The following PDZRN3 variants were observed in gnomAD, a reference collection of about 807,000 sequenced individuals.
PDZRN3 encodes the protein E3 ubiquitin-protein ligase PDZRN3.
PDZRN3 carries 38 observed loss-of-function variants against 85.7 expected under a neutral mutation model. That is an observed-to-expected ratio of 0.44 (90% CI 0.34 to 0.58). The LOEUF is 0.58. Among genes scored for constraint, PDZRN3 ranks in the 20% least tolerant of loss-of-function variants. The probability of loss-of-function intolerance (pLI) is 0.01; values close to 1 mark genes in which losing one functional copy is unlikely to be tolerated. For synonymous variants in PDZRN3, 759 were observed against 638.0 expected (o/e 1.19, Z -2.86); for missense variants, 1,629 against 1,506.4 (o/e 1.08, Z -1.35).
intron 3 of PDZRN3, among the ~76,000 whole-genome samples, chr3:73,550,589 C>T (rs1701531044): frequency 6.6e-6 from 1 of 152,226 alleles, no homozygotes; most frequent in Non-Finnish European, 1.5e-5. Flanking sequence ...CCAAATCTCA[C>T]AGCAGCAGAC....
rs770433258 is a variant in PDZRN3, at chr3:73,384,201, G to A, written c.2365C>T (p.Pro789Ser). The A allele has an allele frequency of 1.2e-6, 2 of 1,613,958 alleles. No homozygotes were observed. The highest frequency in any genetic ancestry group is 4.5e-5 in the East Asian group (2 of 44,844). Residue 789 changes from proline (P) to serine (S), a missense_variant, in exon 10 of 10, where the codon CCG becomes TCG. Transcript: ENST00000263666. ...LRRAAEGISC[P>S]SSEGAVGTTE... is the part of the protein sequence containing the mutation. ...GTCCCCACAGCCCCTTCGCTGCTCG[G>A]GCAGCTGATGCCCTCCGCCGCTCTC... is the stretch of plus-strand genomic sequence containing the variant.
At position 73,475,116 on chromosome 3, in the gene PDZRN3, G is replaced by T. The variant is rs191080936; in HGVS notation, c.919-70721C>A. Reference sequence around the variant, plus strand: ...AAGGGACCACCAGCTCTACACAGAAGAAAGGGAATAAAGACAGGCCAGTCT... The same window carrying T: ...AAGGGACCACCAGCTCTACACAGAATAAAGGGAATAAAGACAGGCCAGTCT... On this transcript the variant is annotated intron_variant, in intron 3 of 9. Coordinates refer to ENST00000263666, the MANE Select transcript of PDZRN3 (RefSeq NM_015009.3). Among the ~76,000 whole-genome samples the T allele has an allele frequency of 3.1e-4, 47 of 152,252 alleles. 1 individual carries two copies. Among genetic ancestry groups the T allele is most frequent in the Middle Eastern group, 6.8e-3 (2 of 294 alleles).
rs1188840666 is a variant in PDZRN3 at position 73,395,185 on chromosome 3, T to C, written c.1255-4069A>G. Among the ~76,000 whole-genome samples, 6 of 152,232 alleles carry C rather than the reference T, an allele frequency of 3.9e-5. No homozygotes were observed. In the South Asian group the frequency reaches 8.3e-4, roughly 21 times the overall value. ...CAAAATACAGTATTTTGGGGCTCAG[T>C]GGAAAGTAAAATTCCTCAAACTTAC... is the stretch of plus-strand genomic sequence containing the variant. On this transcript the variant is annotated intron_variant, in intron 5 of 9. Transcript: ENST00000263666.
intron 3 of PDZRN3, among the ~76,000 whole-genome samples, chr3:73,535,441 A>G (rs1704759424): frequency 1.3e-5 from 2 of 152,204 alleles, no homozygotes; most frequent in Non-Finnish European, 2.9e-5. Flanking sequence ...ACTTAACTGG[A>G]GCATCAGTGA....
At chr3:73,473,535 C>T (rs768300844) in intron 3 of PDZRN3, among the ~76,000 whole-genome samples, 1 of 151,786 alleles carries the variant, frequency 6.6e-6, no homozygotes, top group African/African-American at 2.4e-5. Flanking sequence ...GGGTAGGTGA[C>T]GATCACAATG....
chr3:73,614,065 T>A (rs1343234741), intron 1 of PDZRN3, among the ~76,000 whole-genome samples: 1 of 152,206 alleles, frequency 6.6e-6, no homozygotes, highest in Non-Finnish European at 1.5e-5. Context: ...CAGTTGATTT[T>A]GTTTAAAAGA....
intron 3 of PDZRN3, among the ~76,000 whole-genome samples, chr3:73,437,428 A>G (rs1284870544): frequency 1.3e-5 from 2 of 152,188 alleles, no homozygotes; most frequent in African/African-American, 4.8e-5. Flanking sequence ...ACATCTTGCT[A>G]TTTTTACAAA....
intron 3 of PDZRN3, among the ~76,000 whole-genome samples, chr3:73,495,716 G>A (rs1703854335): frequency 1.3e-5 from 2 of 152,130 alleles, no homozygotes; most frequent in Non-Finnish European, 2.9e-5. Context: ...TTATGCTCAC[G>A]TTTCCAGTGT....
chr3:73,469,702 TG>T lies in PDZRN3; in HGVS notation c.919-65308del, dbSNP rs201495963. Among the ~76,000 whole-genome samples, 318 of 152,338 alleles carry T rather than the reference TG, an allele frequency of 2.1e-3. 1 individual carries two copies. The highest frequency in any genetic ancestry group is 0.015 in the East Asian group (78 of 5,190). On this transcript the variant is annotated intron_variant, in intron 3 of 9. Coordinates refer to ENST00000263666, the MANE Select transcript of PDZRN3 (RefSeq NM_015009.3). Reference sequence around the variant, plus strand: ...TCAAACGCTTATTGACTTAAGCTGATGGGGTTTTTTTTTCATAACATTAGAA... The same window carrying T: ...TCAAACGCTTATTGACTTAAGCTGATGGGTTTTTTTTTCATAACATTAGAA...
At chr3:73,470,808 C>CGGACAT (rs1703322646) in intron 3 of PDZRN3, among the ~76,000 whole-genome samples, 1 of 152,164 alleles carries the variant, frequency 6.6e-6, no homozygotes, top group East Asian at 1.9e-4. Flanking sequence ...TAGTCCCAAA[C>CGGACAT]GGACATTTTT....
At chr3:73,408,590 G>GT (rs200063872) in intron 3 of PDZRN3, among the ~76,000 whole-genome samples, 1 of 150,010 alleles carries the variant, frequency 6.7e-6, no homozygotes. Context: ...CTTGGAGGAG[G>GT]GGGGGGGGTG....
intron 5 of PDZRN3, among the ~76,000 whole-genome samples, 186 bp downstream of exon 5, chr3:73,400,736 A>C (rs1342983981): frequency 6.6e-6 from 1 of 152,238 alleles, no homozygotes; most frequent in African/African-American, 2.4e-5. Flanking sequence ...CTTGATTATT[A>C]AGCTCTGTTT....
intron 3 of PDZRN3, among the ~76,000 whole-genome samples, chr3:73,426,854 C>G (rs116123799): frequency 2.6e-3 from 399 of 152,170 alleles, no homozygotes; most frequent in African/African-American, 8.9e-3. Context: ...GGGCCAGGAC[C>G]CTACTCTGAG....
At chr3:73,439,229 A>T (rs952929422) in intron 3 of PDZRN3, among the ~76,000 whole-genome samples, 1 of 152,224 alleles carries the variant, frequency 6.6e-6, no homozygotes, top group Non-Finnish European at 1.5e-5. Flanking sequence ...TCAGCATCAG[A>T]TACATACTGA....
At position 73,593,707 on chromosome 3, in the gene PDZRN3, TATACACACACACAC is replaced by T. The variant is rs1173688849; in HGVS notation, c.918+8633_918+8646del. Among the ~76,000 whole-genome samples, 64 of 100,900 alleles carry T rather than the reference TATACACACACACAC, an allele frequency of 6.3e-4. 1 individual carries two copies. Among genetic ancestry groups the T allele is most frequent in the Non-Finnish European group, 1.6e-4 (8 of 49,542 alleles). The allele number at this position is 100,900 out of a possible 152,430, so 66.2% of individuals were successfully genotyped here. ...AATTCTTACTGTTTACCGAAATAAA[TATACACACACACAC>T]ACACACACACACACACACACACACA... On this transcript the variant is annotated intron_variant, in intron 3 of 9. Coordinates refer to ENST00000263666, the MANE Select transcript of PDZRN3 (RefSeq NM_015009.3).
rs997014062 is a variant in PDZRN3 at position 73,404,214 on chromosome 3, A to G, written c.1100T>C (p.Ile367Thr). 3 of 1,613,968 alleles carry G rather than the reference A, an allele frequency of 1.9e-6. No homozygotes were observed. Among genetic ancestry groups the G allele is most frequent in the African/African-American group, 1.3e-5 (1 of 74,884 alleles). Residue 367 changes from isoleucine (I) to threonine (T), a missense_variant, in exon 4 of 10, where the codon ATC (isoleucine) becomes ACC (threonine). Transcript: ENST00000263666. ...AGAGGACATCTTAGTGAGGGCCATG[A>G]TATGTTCAAAGGTGATGTCGGTTTG... ...GTQTDITFEHIMALTKMSSPS... is the reference protein window; with the variant it reads ...GTQTDITFEHTMALTKMSSPS...
At chr3:73,393,517 G>A (rs1278745140) in intron 5 of PDZRN3, among the ~76,000 whole-genome samples, 1 of 152,198 alleles carries the variant, frequency 6.6e-6, no homozygotes, top group East Asian at 1.9e-4. Flanking sequence ...CAGTTCAGGT[G>A]TTGGTGAACG....
chr3:73,388,846 G>GT (rs758009106), intron 7 of PDZRN3, among the ~76,000 whole-genome samples: 2 of 144,486 alleles, frequency 1.4e-5, no homozygotes, highest in Non-Finnish European at 3.0e-5. Flanking sequence ...AGGGAGGATT[G>GT]TGTCTGGAAC....
At position 73,384,505 on chromosome 3, in the gene PDZRN3, C is replaced by T. The variant is rs978755881; in HGVS notation, c.2061G>A (p.Leu687=). 3.7e-6 allele frequency: 6 copies of T among 1,613,582 alleles called. No homozygotes were observed. In the Admixed American group the frequency reaches 8.3e-5, roughly 22 times the overall value. ...DPESVDKELE[L]LNEELRSIEL... Reference sequence around the variant, plus strand: ...CGATGCTGCGCAGCTCTTCGTTCAGCAGCTCCAGCTCCTTGTCCACGCTCT... The same window carrying T: ...CGATGCTGCGCAGCTCTTCGTTCAGTAGCTCCAGCTCCTTGTCCACGCTCT... The change falls in exon 10 of 10, where the codon CTG becomes CTA. Residue 687 remains leucine, a synonymous_variant. Coordinates refer to ENST00000263666, the MANE Select transcript of PDZRN3 (RefSeq NM_015009.3).
Sources: gnomAD v4.1 joint callset for allele counts (sites outside exome capture counted in the v4.1 genomes callset) on GRCh38, gnomAD v4.1.1 for gene constraint, MANE v1.5 for transcripts, NCBI Gene and HGNC (gene_info 2026-07-23, HGNC 2026-07-21) for gene names.